Variants in CHST11 observed in about 807,000 individuals in gnomAD.
CHST11 encodes carbohydrate sulfotransferase 11, also known as C4S-1.
Under a neutral mutation model 30.4 loss-of-function variants are expected in CHST11, and 9 were observed. The observed-to-expected ratio is 0.30, with a 90% CI of 0.18 to 0.52. The LOEUF is 0.52. Among genes scored for constraint, CHST11 ranks in the 20% least tolerant of loss-of-function variants. The pLI, the probability that CHST11 is intolerant of heterozygous loss-of-function variation, is 0.97. For missense variants in CHST11, 348 were observed against 460.6 expected (o/e 0.76, Z 2.24); for synonymous variants, 152 against 187.8 (o/e 0.81, Z 1.56).
chr12:104,711,392 C>T, intron 2 of CHST11, among the ~76,000 whole-genome samples: 1 of 152,140 alleles, frequency 6.6e-6, no homozygotes, highest in East Asian at 1.9e-4. Flanking sequence ...GACGTTTCAG[C>T]GTCACATGGA....
chr12:104,628,322 T>TG (rs2039238295), intron 2 of CHST11, among the ~76,000 whole-genome samples: 10 of 152,146 alleles, frequency 6.6e-5, no homozygotes, highest in Admixed American at 6.5e-4. Flanking sequence ...CCCACAGGGC[T>TG]CGCTGACTGC....
chr12:104,649,398 A>G (rs1364740966), intron 2 of CHST11, among the ~76,000 whole-genome samples: 1 of 152,248 alleles, frequency 6.6e-6, no homozygotes, highest in East Asian at 1.9e-4. Flanking sequence ...TCTAATCTTT[A>G]CAGCCAATCT....
chr12:104,715,854 T>C (rs956727383), intron 2 of CHST11, among the ~76,000 whole-genome samples: 1 of 152,194 alleles, frequency 6.6e-6, no homozygotes, highest in Non-Finnish European at 1.5e-5. Context: ...TGAGCTCGTG[T>C]GTGTCGCGCC....
chr12:104,463,080 G>A (rs1188720762), intron 1 of CHST11, among the ~76,000 whole-genome samples: 1 of 152,142 alleles, frequency 6.6e-6, no homozygotes, highest in East Asian at 1.9e-4. Context: ...TTTGTTCATA[G>A]CTTTATCAGC....
At chr12:104,756,841 C>T in intron 2 of CHST11, 108 bp from the exon 3 acceptor site, 1 of 1,345,616 alleles carries the variant, frequency 7.4e-7, no homozygotes, top group Non-Finnish European at 1.0e-6. Context: ...GCCACTGCAC[C>T]CAGCTTAGAT....
chr12:104,754,866 A>G (rs2040462015), intron 2 of CHST11, among the ~76,000 whole-genome samples: 1 of 152,196 alleles, frequency 6.6e-6, no homozygotes, highest in Admixed American at 6.5e-5. Context: ...TGGCGATGGC[A>G]TGTTATAGTT....
chr12:104,566,373 GGGGGGC>G, intron 1 of CHST11, among the ~76,000 whole-genome samples: 1 of 152,102 alleles, frequency 6.6e-6, no homozygotes, highest in Admixed American at 6.5e-5. Flanking sequence ...GGTTGGGGTG[GGGGGGC>G]GGTCTGCCTA....
At chr12:104,457,789 T>G (rs1391559376) in intron 1 of CHST11, among the ~76,000 whole-genome samples, 1 of 148,216 alleles carries the variant, frequency 6.7e-6, no homozygotes, top group Non-Finnish European at 1.5e-5. Flanking sequence ...GCGGTAGTTT[T>G]TTTTTTTTTT....
At chr12:104,569,866 G>C (rs1388691477) in intron 1 of CHST11, among the ~76,000 whole-genome samples, 2 of 152,156 alleles carry the variant, frequency 1.3e-5, no homozygotes, top group African/African-American at 4.8e-5. Flanking sequence ...TCTTGATTCT[G>C]CTTCATAATC....
intron 1 of CHST11, among the ~76,000 whole-genome samples, chr12:104,536,988 T>A (rs1242067072): frequency 6.6e-6 from 1 of 152,184 alleles, no homozygotes; most frequent in Non-Finnish European, 1.5e-5. Flanking sequence ...TAACTTTAGC[T>A]CCCAGGGGAA....
chr12:104,761,310 G>GC lies in CHST11; in HGVS notation c.*3508dup, dbSNP rs1362593108. The stretch of plus-strand genomic sequence containing the variant: ...GTTCTCCTGGTGGCAAAGGCATGAA[G>GC]CACAGGGGTCGATTAATCCAGGCTA... On this transcript the variant is annotated 3_prime_UTR_variant, in exon 3 of 3. Transcript: ENST00000303694. 6.6e-6 allele frequency: 1 copy of GC among 152,350 alleles called. No homozygotes were observed. Among genetic ancestry groups the GC allele is most frequent in the African/African-American group, 2.4e-5 (1 of 41,438 alleles). The allele number at this position is 152,350 out of a possible 1,614,324, so 9.4% of individuals were successfully genotyped here. A position where few individuals can be genotyped will look rare whatever the true frequency, so the allele number is the denominator to read the frequency against.
At chr12:104,586,751 C>T (rs1650135) in intron 1 of CHST11, among the ~76,000 whole-genome samples, 36,649 of 152,010 alleles carry the variant, frequency 0.24, 4,641 homozygotes, top group East Asian at 0.4. Context: ...CTTCAGCAGG[C>T]AAGGAAGGAT....
At chr12:104,544,494 G>C (rs2038323293) in intron 1 of CHST11, among the ~76,000 whole-genome samples, 1 of 151,952 alleles carries the variant, frequency 6.6e-6, no homozygotes, top group Admixed American at 6.5e-5. Flanking sequence ...ATCACCTGAG[G>C]CCAGGAGTTC....
intron 2 of CHST11, among the ~76,000 whole-genome samples, chr12:104,646,486 C>T (rs1422765182): frequency 3.9e-5 from 6 of 152,136 alleles, no homozygotes; most frequent in African/African-American, 1.4e-4. Flanking sequence ...GTAATCCCAG[C>T]ACTTTGGGAG....
At chr12:104,692,676 G>A (rs1025456557) in intron 2 of CHST11, among the ~76,000 whole-genome samples, 11 of 152,050 alleles carry the variant, frequency 7.2e-5, no homozygotes, top group Admixed American at 4.6e-4. Context: ...AGTGGCAGGC[G>A]AGCAAGCATT....
intron 1 of CHST11, among the ~76,000 whole-genome samples, chr12:104,560,886 A>G: frequency 6.6e-6 from 1 of 152,170 alleles, no homozygotes; most frequent in East Asian, 1.9e-4. Context: ...TTTGCTGTGA[A>G]TCGAATTCTG....
At chr12:104,669,552 C>T (rs1592828740) in intron 2 of CHST11, among the ~76,000 whole-genome samples, 1 of 152,320 alleles carries the variant, frequency 6.6e-6, no homozygotes, top group East Asian at 1.9e-4. Flanking sequence ...AATTGGGCAT[C>T]TCCCTGCTCC....
chr12:104,717,521 C>G (rs1279860663), intron 2 of CHST11, among the ~76,000 whole-genome samples: 2 of 152,130 alleles, frequency 1.3e-5, no homozygotes, highest in African/African-American at 4.8e-5. Flanking sequence ...CACCTGTAAT[C>G]CCAGCACTTT....
chr12:104,614,054 C>T (rs1007768530), intron 2 of CHST11, among the ~76,000 whole-genome samples: 3 of 152,064 alleles, frequency 2.0e-5, no homozygotes, highest in African/African-American at 2.4e-5. Flanking sequence ...TCTGACTACA[C>T]GAAAAATGAT....
Sources: gnomAD v4.1 joint callset for allele counts (sites outside exome capture counted in the v4.1 genomes callset) on GRCh38, gnomAD v4.1.1 for gene constraint, MANE v1.5 for transcripts, NCBI Gene and HGNC (gene_info 2026-07-23, HGNC 2026-07-21) for gene names.